HOXA11: variants seen among roughly 807,000 people sequenced by gnomAD.
HOXA11 encodes the protein homeobox protein Hox-A11.
In HOXA11, 8 loss-of-function variants were observed where a neutral mutation model predicts 22.5. The observed-to-expected ratio is 0.36, with a 90% CI of 0.21 to 0.64. The LOEUF (loss-of-function observed/expected upper bound fraction) is 0.64, where lower values mean the gene tolerates loss of function less well. Ranked by LOEUF, HOXA11 falls within the 30% of genes least tolerant of loss-of-function variation. HOXA11 has a pLI of 0.67. For missense variants in HOXA11, 388 were observed against 429.0 expected, an observed-to-expected ratio of 0.90 and a Z score of 0.84; for synonymous variants, 211 against 188.4, an observed-to-expected ratio of 1.12 and a Z score of -0.98.
At chr7:27,184,023 C>A (rs1783813449) in intron 1 of HOXA11, among the ~76,000 whole-genome samples, 1 of 152,114 alleles carries the variant, frequency 6.6e-6, no homozygotes, top group African/African-American at 2.4e-5. Flanking sequence ...CCGGCCGGGA[C>A]TGGAGTCCCG....
rs17501104 is a variant in HOXA11 at position 27,182,304 on chromosome 7, T to C, written c.*492A>G. 2.2e-5 allele frequency: 6 copies of C among 275,786 alleles called. No homozygotes were observed. Among genetic ancestry groups the C allele is most frequent in the African/African-American group, 4.3e-5 (2 of 46,514 alleles). The allele number at this position is 275,786 out of a possible 1,614,324, so 17.1% of individuals were successfully genotyped here. On this transcript the variant is annotated 3_prime_UTR_variant, in exon 2 of 2. Transcript: ENST00000006015. ...CCTCCAAGTCCAGCCGCTGTTCACA[T>C]TGGCTTTGGAAAGCAGCCTCATTCT... is the stretch of plus-strand genomic sequence containing the variant.
Position 27,181,495 on chromosome 7 carries a change from G to A in HOXA11, c.*1301C>T, listed in dbSNP as rs1028050300. 2.6e-5 allele frequency: 5 copies of A among 195,602 alleles called. No individual in the cohort carries two copies. Among genetic ancestry groups the A allele is most frequent in the African/African-American group, 1.2e-4 (5 of 43,232 alleles). The allele number at this position is 195,602 out of a possible 1,614,324, so 12.1% of individuals were successfully genotyped here. A position where few individuals can be genotyped will look rare whatever the true frequency, so the allele number is the denominator to read the frequency against. On this transcript the variant is annotated 3_prime_UTR_variant, in exon 2 of 2. Transcript: ENST00000006015. The stretch of plus-strand genomic sequence containing the variant: ...CTAATGGCAAAAGAAAAAAGAAAAA[G>A]AGAAAGAAAGAAAAGAAAATTGATT...
chr7:27,182,074 G>T lies in HOXA11; in HGVS notation c.*722C>A. 4.2e-6 allele frequency: 1 copy of T among 235,324 alleles called. No homozygotes were observed. The allele number at this position is 235,324 out of a possible 1,614,324, so 14.6% of individuals were successfully genotyped here. On this transcript the variant is annotated 3_prime_UTR_variant, in exon 2 of 2. Coordinates refer to ENST00000006015, the MANE Select transcript of HOXA11 (RefSeq NM_005523.6). ...AGGGAACAGTCCACTCTGTGTCGAG[G>T]CTTTGGGCCTGAGTGGCAGGCTGGA...
chr7:27,184,913 T>A lies in HOXA11; in HGVS notation c.232A>T (p.Asn78Tyr). Residue 78 changes from asparagine (N) to tyrosine (Y), a missense_variant, in exon 1 of 2, where the codon AAT becomes TAT. Asn to Tyr is a moderately radical substitution (Grantham distance 143). This residue lies in a region of HOXA11 where 295 missense variants were observed against 281.1 expected (regional missense o/e 1.05). Transcript: ENST00000006015. ...TCCGCGGAGTAGCAGTGGGCCAGAT[T>A]GCCGCGGGGGTGCCATTTAGTGGCG... ...EPATKWHPRGNLAHCYSAEEL... is the reference protein window; with the variant it reads ...EPATKWHPRGYLAHCYSAEEL... 1 of 1,614,012 alleles carries A rather than the reference T, an allele frequency of 6.2e-7. No individual in the cohort carries two copies. The highest frequency in any genetic ancestry group is 8.5e-7 in the Non-Finnish European group (1 of 1,179,932).
Position 27,182,511 on chromosome 7 carries a change from C to T in HOXA11, c.*285G>A, listed in dbSNP as rs1313305908. On this transcript the variant is annotated 3_prime_UTR_variant, in exon 2 of 2. Transcript: ENST00000006015. ...GGCCCAATCCCCAGTGGAGACCACA[C>T]CCAGCCCGCAGCTCTGCAGGCTCCA... is the stretch of plus-strand genomic sequence containing the variant. The T allele has an allele frequency of 8.1e-6, 4 of 496,782 alleles. No individual in the cohort carries two copies. The highest frequency in any genetic ancestry group is 3.8e-5 in the African/African-American group (2 of 52,250). 30.8% of individuals were successfully genotyped at this position (496,782 alleles called of 1,614,324 possible).
intron 1 of HOXA11, among the ~76,000 whole-genome samples, chr7:27,183,752 A>C (rs1175303970): frequency 6.7e-6 from 1 of 149,864 alleles, no homozygotes; most frequent in Non-Finnish European, 1.5e-5. Context: ...CCCTTTAAAA[A>C]AAAAAAAAAA....
chr7:27,181,572 C>T lies in HOXA11; in HGVS notation c.*1224G>A. ...GAACACCATCCCTGTATGAAGCATA[C>T]ATTCAAATATTCTTAGCAGTGAGCG... On this transcript the variant is annotated 3_prime_UTR_variant, in exon 2 of 2. Transcript: ENST00000006015. 5.2e-6 allele frequency: 1 copy of T among 192,414 alleles called. No individual in the cohort carries two copies. The highest frequency in any genetic ancestry group is 8.2e-5 in the East Asian group (1 of 12,226). The allele number at this position is 192,414 out of a possible 1,614,324, so 11.9% of individuals were successfully genotyped here. A position where few individuals can be genotyped will look rare whatever the true frequency, so the allele number is the denominator to read the frequency against.
chr7:27,183,459 T>G (rs1783801040), intron 1 of HOXA11, among the ~76,000 whole-genome samples: 1 of 152,218 alleles, frequency 6.6e-6, no homozygotes. Context: ...GCGGCTCCAG[T>G]CCCAGTCTTT....
chr7:27,184,344 T>A lies in HOXA11; in HGVS notation c.709+92A>T, dbSNP rs145437164. ...AAGGCCCTTCATAAACCTTATATGC[T>A]TATAAAACAGCATATAAAAATTTAA... On this transcript the variant is annotated intron_variant, in intron 1 of 1. Transcript: ENST00000006015. The A allele has an allele frequency of 1.9e-3, 2,537 of 1,303,252 alleles. 37 individuals are homozygous for A. In the African/African-American group the frequency reaches 0.032, roughly 16 times the overall value. The allele number at this position is 1,303,252 out of a possible 1,614,324, so 80.7% of individuals were successfully genotyped here.
In HOXA11 at chr7:27,182,989, T is replaced by C; in HGVS notation, c.749A>G (p.Lys250Arg). Residue 250 changes from lysine (K) to arginine (R), a missense_variant, in exon 2 of 2, where the codon AAG becomes AGG. Coordinates refer to ENST00000006015, the MANE Select transcript of HOXA11 (RefSeq NM_005523.6). Reference protein sequence around the residue: ...RTRKKRCPYTKYQIRELEREF... With the variant: ...RTRKKRCPYTRYQIRELEREF... ...CCGTTCCAGCTCTCGGATCTGGTAC[T>C]TGGTATAGGGGCAGCGCTTTTTGCG... is the stretch of plus-strand genomic sequence containing the variant. 6.2e-7 allele frequency: 1 copy of C among 1,614,146 alleles called. No individual in the cohort carries two copies.
chr7:27,184,333 A>G, intron 1 of HOXA11, 103 bp downstream of exon 1: 5 of 1,170,526 alleles, frequency 4.3e-6, no homozygotes, highest in African/African-American at 3.2e-5. Flanking sequence ...CCCTTCATAA[A>G]CCTTATATGC....
chr7:27,184,547 A>T lies in HOXA11; in HGVS notation c.598T>A (p.Cys200Ser), dbSNP rs1562516037. ...SSSDSGGGGGCRETAAAAEEK... is the reference protein window; with the variant it reads ...SSSDSGGGGGSRETAAAAEEK... Reference sequence around the variant, plus strand: ...TCTGCTGCCGCCGCCGTCTCCCGGCAGCCGCCGCCGCCGCCGCTGTCCGAA... The same window carrying T: ...TCTGCTGCCGCCGCCGTCTCCCGGCTGCCGCCGCCGCCGCCGCTGTCCGAA... Residue 200 changes from cysteine to serine, a missense_variant, in exon 1 of 2, where the codon TGC becomes AGC. By Grantham distance (112) the Cys-to-Ser change is moderately radical. Coordinates refer to ENST00000006015, the MANE Select transcript of HOXA11 (RefSeq NM_005523.6). 6.7e-7 allele frequency: 1 copy of T among 1,494,636 alleles called. No individual in the cohort carries two copies. 92.6% of individuals were successfully genotyped at this position (1,494,636 alleles called of 1,614,324 possible). A position where few individuals can be genotyped will look rare whatever the true frequency, so the allele number is the denominator to read the frequency against.
Sources: allele counts gnomAD v4.1 joint callset (sites outside exome capture counted in the v4.1 genomes callset), GRCh38; gene constraint gnomAD v4.1.1; regional missense constraint gnomAD v4.1.1; transcripts MANE v1.5; gene names NCBI Gene and HGNC (gene_info 2026-07-23, HGNC 2026-07-21).